The following ATP10A variants were observed in gnomAD, a reference collection of about 807,000 sequenced individuals.
ATP10A encodes ATPase phospholipid transporting 10A (putative), also known as phospholipid-transporting ATPase VA.
ATP10A carries 111 observed loss-of-function variants against 147.8 expected under a neutral mutation model. That is an observed-to-expected ratio of 0.75 (90% CI 0.64 to 0.88). The LOEUF (loss-of-function observed/expected upper bound fraction) is 0.88. Ranked by LOEUF, ATP10A falls within the 40% of genes least tolerant of loss-of-function variation. The pLI is 0.00. For missense variants in ATP10A, 1,927 were observed against 1,959.0 expected (o/e 0.98, Z 0.31); for synonymous variants, 875 against 841.6 (o/e 1.04, Z -0.69).
In ATP10A at chr15:25,683,468, A is replaced by C; in HGVS notation, c.3310T>G (p.Phe1104Val). 6.2e-7 allele frequency: 1 copy of C among 1,613,658 alleles called. No homozygotes were observed. Among genetic ancestry groups the C allele is most frequent in the South Asian group, 1.1e-5 (1 of 90,988 alleles). Residue 1104 changes from phenylalanine (F) to valine (V), a missense_variant, in exon 17 of 21, where the codon TTT becomes GTT. Physicochemically the swap from Phe to Val is conservative, Grantham distance 50 (BLOSUM62 -1). Transcript: ENST00000555815. ...AAGCCACAGAAAAACTGGAACCAAA[A>C]CAGGAGGCCCACGAACATCTGAAAT... ...YKNTMFVGLL[F>V]WFQFFCGFSA...
intron 2 of ATP10A, among the ~76,000 whole-genome samples, chr15:25,778,886 A>AT (rs1006919471): frequency 3.3e-5 from 5 of 151,650 alleles, no homozygotes; most frequent in Non-Finnish European, 5.9e-5. Flanking sequence ...GTTCTTCTTT[A>AT]TTTTTTTTGA....
intron 13 of ATP10A, among the ~76,000 whole-genome samples, chr15:25,701,631 A>T (rs927947497): frequency 6.6e-6 from 1 of 152,210 alleles, no homozygotes; most frequent in Admixed American, 6.5e-5. Flanking sequence ...CTGTGGAAGC[A>T]CAGGGGACCT....
intron 1 of ATP10A, among the ~76,000 whole-genome samples, chr15:25,844,309 C>G (rs1892927881): frequency 1.3e-5 from 2 of 152,090 alleles, no homozygotes; most frequent in African/African-American, 4.8e-5. Flanking sequence ...CAGCTGGAGC[C>G]TCTACGAAAG....
downstream of ATP10A, among the ~76,000 whole-genome samples, chr15:25,675,626 G>A (rs539588581): frequency 1.3e-5 from 2 of 152,134 alleles, no homozygotes. Flanking sequence ...AGCTTGCTCA[G>A]ACCACCAAAG....
Position 25,691,943 on chromosome 15 carries a change from C to A in ATP10A, c.3089-152G>T, listed in dbSNP as rs557389823. The A allele has an allele frequency of 8.5e-5, 72 of 845,310 alleles. 1 individual carries two copies. The South Asian group carries it at 1.1e-3, about 12-fold the overall frequency. The allele number at this position is 845,310 out of a possible 1,614,324, so 52.4% of individuals were successfully genotyped here. Reference sequence around the variant, plus strand: ...GGGAAAAAGGAGTAGAGCATCCACCCTGGGAGAATAGAGTTAAGCATTCAG... The same window carrying A: ...GGGAAAAAGGAGTAGAGCATCCACCATGGGAGAATAGAGTTAAGCATTCAG... On this transcript the variant is annotated intron_variant, in intron 14 of 20. Coordinates refer to ENST00000555815, the MANE Select transcript of ATP10A (RefSeq NM_024490.4).
intron 7 of ATP10A, among the ~76,000 whole-genome samples, chr15:25,721,327 G>C (rs4906622): frequency 0.99 from 150,064 of 152,326 alleles, 73,967 homozygotes; most frequent in East Asian, 1. Context: ...CTGTCCCTTG[G>C]TGTGGCAGAG....
chr15:25,789,142 TG>T (rs1216764721), intron 1 of ATP10A, among the ~76,000 whole-genome samples: 5 of 152,094 alleles, frequency 3.3e-5, no homozygotes, highest in Admixed American at 3.3e-4. Flanking sequence ...TTTTATTTTT[TG>T]TAGAGATGGG....
intron 2 of ATP10A, among the ~76,000 whole-genome samples, chr15:25,766,972 T>C (rs1279019660): frequency 6.7e-6 from 1 of 150,290 alleles, no homozygotes; most frequent in Non-Finnish European, 1.5e-5. Flanking sequence ...CAGGCAGACA[T>C]ATACACATAC....
intron 1 of ATP10A, among the ~76,000 whole-genome samples, chr15:25,857,530 C>T (rs1350305066): frequency 1.3e-5 from 2 of 152,146 alleles, no homozygotes; most frequent in Middle Eastern, 3.2e-3. Flanking sequence ...AAGACAAATA[C>T]TGACACATTT....
chr15:25,777,713 A>G (rs1889682677), intron 2 of ATP10A, among the ~76,000 whole-genome samples: 1 of 150,970 alleles, frequency 6.6e-6, no homozygotes, highest in Non-Finnish European at 1.5e-5. Context: ...CATCCTTCCC[A>G]TTCAATCCCT....
chr15:25,855,731 T>C (rs1165731641), intron 1 of ATP10A, among the ~76,000 whole-genome samples: 1 of 152,196 alleles, frequency 6.6e-6, no homozygotes, highest in Non-Finnish European at 1.5e-5. Flanking sequence ...AAATGTAAGG[T>C]ATCAAGTTGA....
intron 1 of ATP10A, among the ~76,000 whole-genome samples, chr15:25,810,869 T>C (rs952415740): frequency 6.6e-6 from 1 of 151,946 alleles, no homozygotes; most frequent in Non-Finnish European, 1.5e-5. Flanking sequence ...GTCTGACAGC[T>C]AAGAGGAGGG....
In ATP10A at chr15:25,713,693, G is replaced by A. The variant is rs182835862; in HGVS notation, c.2325C>T (p.Leu775=). ...TKGADSVVMD[L]LQPCSSVDAR... is the part of the protein sequence containing the mutation. ...GAGTACCTGAAGAGCAGGGCTGCAG[G>A]AGATCCATGACCACTGAGTCGGCCC... Residue 775 remains leucine (L), a synonymous_variant, in exon 10 of 21, where the codon CTC becomes CTT. Transcript: ENST00000555815. 57 of 1,614,022 alleles carry A rather than the reference G, an allele frequency of 3.5e-5. No individual in the cohort carries two copies. In the Admixed American group the frequency reaches 9.3e-4, roughly 26 times the overall value.
At chr15:25,693,091 G>A (rs968778846) in intron 14 of ATP10A, among the ~76,000 whole-genome samples, 3 of 151,926 alleles carry the variant, frequency 2.0e-5, no homozygotes, top group Non-Finnish European at 2.9e-5. Flanking sequence ...GTGTGATCAC[G>A]GTTCACTGCA....
At chr15:25,862,415 C>T in intron 1 of ATP10A, 1 of 647,644 alleles carries the variant, frequency 1.5e-6, no homozygotes, top group Admixed American at 2.2e-5. Context: ...GACAGGGGAT[C>T]CCCACGCGTC....
intron 1 of ATP10A, among the ~76,000 whole-genome samples, chr15:25,860,103 G>T (rs995588634): frequency 2.6e-5 from 4 of 152,138 alleles, no homozygotes; most frequent in Admixed American, 1.3e-4. Flanking sequence ...TTCCTTGGCT[G>T]CTCTGTGCTG....
downstream of ATP10A, among the ~76,000 whole-genome samples, chr15:25,673,357 C>T (rs542817291): frequency 6.6e-5 from 10 of 152,300 alleles, no homozygotes; most frequent in South Asian, 2.1e-3. Context: ...TCCTGGGTGT[C>T]GGTCTTATAC....
chr15:25,852,520 C>G (rs1004885810), intron 1 of ATP10A, among the ~76,000 whole-genome samples: 7 of 152,160 alleles, frequency 4.6e-5, no homozygotes, highest in Non-Finnish European at 8.8e-5. Flanking sequence ...AACCTCACCT[C>G]TCAATCCTCT....
rs1184100513 is a variant in ATP10A at position 25,710,696 on chromosome 15, CTCA to C, written c.2345-2399_2345-2397del. 7.2e-5 allele frequency: 11 copies of C among 152,250 alleles called. No individual in the cohort carries two copies. In the East Asian group the frequency reaches 2.1e-3, roughly 30 times the overall value. The allele number at this position is 152,250 out of a possible 1,614,324, so 9.4% of individuals were successfully genotyped here. On this transcript the variant is annotated intron_variant, in intron 10 of 20. Coordinates refer to ENST00000555815, the MANE Select transcript of ATP10A (RefSeq NM_024490.4). The stretch of plus-strand genomic sequence containing the variant: ...CAGTCCCTGCTTGTACATGCATGTA[CTCA>C]TCATGCAAAAAACATATACTGATTA...
Sources: gnomAD v4.1 joint callset for allele counts (sites outside exome capture counted in the v4.1 genomes callset) on GRCh38, gnomAD v4.1.1 for gene constraint, MANE v1.5 for transcripts, NCBI Gene and HGNC (gene_info 2026-07-23, HGNC 2026-07-21) for gene names.